Variants in LIX1L observed in about 807,000 individuals in gnomAD.
LIX1L encodes LIX1-like protein.
In LIX1L, 20 loss-of-function variants were observed where a neutral mutation model predicts 34.0. The ratio of observed to expected loss-of-function variants is 0.59; its 90% CI spans 0.41 to 0.85. The LOEUF is 0.85. LIX1L is among the 40% of genes least tolerant of loss of function. The probability of loss-of-function intolerance (pLI) is 0.00; values close to 1 mark genes in which losing one functional copy is unlikely to be tolerated. For synonymous variants in LIX1L, 170 were observed against 187.4 expected (o/e 0.91, Z 0.76); for missense variants, 397 against 447.0 (o/e 0.89, Z 1.01).
At chr1:145,943,252 G>T (rs781974238) in intron 2 of LIX1L, among the ~76,000 whole-genome samples, 1 of 152,152 alleles carries the variant, frequency 6.6e-6, no homozygotes, top group African/African-American at 2.4e-5. Context: ...AGGTTTTTTG[G>T]ATTCCTCTAG....
At position 145,949,957 on chromosome 1, in the gene LIX1L, A is replaced by G. The variant is rs112516540; in HGVS notation, c.293-2175T>C. 4.5e-3 allele frequency among the ~76,000 whole-genome samples: 690 copies of G among 151,808 alleles called. 4 individuals are homozygous for G. Among genetic ancestry groups the G allele is most frequent in the Middle Eastern group, 0.027 (8 of 294 alleles). ...TTAGCCTCTGAGTAGCTGGGACCAC[A>G]GGTGCATGCCACCACGCCCGTCTAA... On this transcript the variant is annotated intron_variant, in intron 1 of 5. Coordinates refer to ENST00000604000, the MANE Select transcript of LIX1L (RefSeq NM_153713.3).
intron 1 of LIX1L, among the ~76,000 whole-genome samples, chr1:145,954,495 C>A (rs1649403758): frequency 6.6e-6 from 1 of 152,174 alleles, no homozygotes; most frequent in South Asian, 2.1e-4. Flanking sequence ...ACACAAGATT[C>A]ATTTGTTCAA....
intron 5 of LIX1L, 54 bp downstream of exon 5, chr1:145,936,854 G>C: frequency 8.3e-7 from 1 of 1,199,818 alleles, no homozygotes; most frequent in South Asian, 1.2e-5. Flanking sequence ...CCTCAAAAGA[G>C]TCCACTGACA....
At chr1:145,947,578 C>G (rs1553759372) in intron 2 of LIX1L, 41 bp downstream of exon 2, 1 of 1,605,334 alleles carries the variant, frequency 6.2e-7, no homozygotes, top group Non-Finnish European at 8.5e-7. Context: ...TTACTAACAT[C>G]TAAGCATTTA....
intron 3 of LIX1L, among the ~76,000 whole-genome samples, chr1:145,941,682 A>G (rs1341669514): frequency 2.0e-5 from 3 of 152,162 alleles, no homozygotes; most frequent in Non-Finnish European, 4.4e-5. Flanking sequence ...CTTGGGTTCT[A>G]ATCTTGGCGT....
In LIX1L at chr1:145,957,761, A is replaced by G. The variant is rs1553760602; in HGVS notation, c.167T>C (p.Leu56Pro). ...PPPPAPPPPP[L>P]LLSGAPGLPL... is the part of the protein sequence containing the mutation. ...TAGTCCTGGGGCCCCAGACAGGAGC[A>G]GCGGCGGCGGGGGCGGTGCGGGAGG... The change falls in exon 1 of 6, where the codon CTG becomes CCG. Residue 56 changes from leucine to proline, a missense_variant. Leu to Pro is a moderately conservative substitution (Grantham distance 98). Coordinates refer to ENST00000604000, the MANE Select transcript of LIX1L (RefSeq NM_153713.3). The G allele has an allele frequency of 3.7e-6, 5 of 1,360,830 alleles. No homozygotes were observed. The highest frequency in any genetic ancestry group is 2.8e-6 in the Non-Finnish European group (3 of 1,064,946). The allele number at this position is 1,360,830 out of a possible 1,614,324, so 84.3% of individuals were successfully genotyped here.
At chr1:145,947,497 C>A in intron 2 of LIX1L, 122 bp downstream of exon 2, 1 of 1,028,904 alleles carries the variant, frequency 9.7e-7, no homozygotes, top group Middle Eastern at 3.2e-4. Flanking sequence ...GAATAATTTC[C>A]CCAGAATTGC....
intron 2 of LIX1L, 140 bp from the exon 3 acceptor site, chr1:145,942,993 G>T: frequency 1.2e-6 from 1 of 801,240 alleles, no homozygotes; most frequent in Admixed American, 2.6e-5. Flanking sequence ...CACTTTCCAA[G>T]GTTTTTATGG....
rs782649895 is a variant in LIX1L, at chr1:145,936,921, TG to T, written c.757del (p.Gln253AsnfsTer29). ...NGSLKAMRER[Q>X]CSRQEVLAHY... ...AAAATCTCTTACCTGCCGAGAGCAT[TG>T]TCGTTCCCTCATGGCCTTAAGGCTG... On this transcript the variant is annotated frameshift_variant, in exon 5 of 6. Transcript: ENST00000604000. LOFTEE classifies it high-confidence loss of function. 4 of 1,612,100 alleles carry T rather than the reference TG, an allele frequency of 2.5e-6. No homozygotes were observed. The highest frequency in any genetic ancestry group is 3.4e-6 in the Non-Finnish European group (4 of 1,178,240).
Position 145,947,668 on chromosome 1 carries a change from TAAG to T in LIX1L, c.404_406del (p.Pro135_Tyr136delinsHis). The T allele has an allele frequency of 6.2e-7, 1 of 1,614,090 alleles. No homozygotes were observed. Among genetic ancestry groups the T allele is most frequent in the Non-Finnish European group, 8.5e-7 (1 of 1,180,020 alleles). ...CCCAGGCAGGGTGACATAGCAGACA[TAAG>T]GAGGGCTGTTGGAGGGAACCATCTC... On this transcript the variant is annotated inframe_deletion, in exon 2 of 6. Coordinates refer to ENST00000604000, the MANE Select transcript of LIX1L (RefSeq NM_153713.3).
intron 4 of LIX1L, 108 bp from the exon 5 acceptor site, chr1:145,937,093 C>T: frequency 1.5e-6 from 1 of 660,856 alleles, no homozygotes; most frequent in Non-Finnish European, 2.8e-6. Context: ...AAGCATCTCT[C>T]ATCACTAACT....
At chr1:145,947,130 T>A (rs1341589536) in intron 2 of LIX1L, 1 of 153,832 alleles carries the variant, frequency 6.5e-6, no homozygotes, top group Non-Finnish European at 1.4e-5. Context: ...TTTGCCCCAT[T>A]GATATTCAGA....
intron 5 of LIX1L, 140 bp from the exon 6 acceptor site, chr1:145,936,692 G>T: frequency 9.9e-7 from 1 of 1,007,870 alleles, no homozygotes. Flanking sequence ...GATTCTTAAA[G>T]GCACTTCCTG....
chr1:145,934,943 G>T lies in LIX1L; in HGVS notation c.*1367C>A, dbSNP rs1553757540. On this transcript the variant is annotated 3_prime_UTR_variant, in exon 6 of 6. Coordinates refer to ENST00000604000, the MANE Select transcript of LIX1L (RefSeq NM_153713.3). Reference sequence around the variant, plus strand: ...GCACTTTGGGAGGCTGAGGCGGGTGGATTACCTTATGTCAGGAGTTCAAGA... The same window carrying T: ...GCACTTTGGGAGGCTGAGGCGGGTGTATTACCTTATGTCAGGAGTTCAAGA... 1 of 152,012 alleles carries T rather than the reference G, an allele frequency of 6.6e-6. No individual in the cohort carries two copies. Among genetic ancestry groups the T allele is most frequent in the Admixed American group, 6.6e-5 (1 of 15,230 alleles). The allele number at this position is 152,012 out of a possible 1,614,324, so 9.4% of individuals were successfully genotyped here.
At chr1:145,944,372 A>G (rs587634780) in intron 2 of LIX1L, among the ~76,000 whole-genome samples, 1 of 152,238 alleles carries the variant, frequency 6.6e-6, no homozygotes, top group Non-Finnish European at 1.5e-5. Context: ...AAAACAATAA[A>G]TAAGTAGACC....
At chr1:145,937,007 T>C in intron 4 of LIX1L, 22 bp from the exon 5 acceptor site, 1 of 1,539,872 alleles carries the variant, frequency 6.5e-7, no homozygotes, top group Non-Finnish European at 9.0e-7. Flanking sequence ...GGATAGGAAG[T>C]ACCAGGACAG....
intron 2 of LIX1L, among the ~76,000 whole-genome samples, chr1:145,943,219 G>A (rs1452747893): frequency 2.0e-5 from 3 of 152,184 alleles, no homozygotes; most frequent in Non-Finnish European, 2.9e-5. Context: ...ATAGAAATCT[G>A]TATCTTGTTC....
In LIX1L at chr1:145,936,997, G is replaced by A. The variant is rs373582484; in HGVS notation, c.694-12C>T. 5.7e-6 allele frequency: 9 copies of A among 1,587,796 alleles called. No individual in the cohort carries two copies. In the African/African-American group the frequency reaches 1.1e-4, roughly 19 times the overall value. ...ACTGTCATTAGCTCCTGGGGGAAGA[G>A]GATAGGAAGTACCAGGACAGTGATT... On this transcript the variant is annotated splice_polypyrimidine_tract_variant and intron_variant, in intron 4 of 5. Coordinates refer to ENST00000604000, the MANE Select transcript of LIX1L (RefSeq NM_153713.3).
intron 3 of LIX1L, among the ~76,000 whole-genome samples, chr1:145,941,414 A>G (rs894356640): frequency 3.3e-5 from 5 of 151,358 alleles, no homozygotes; most frequent in Admixed American, 1.3e-4. Flanking sequence ...CACTGCGCCC[A>G]GCTAACTTTT....
Sources: gnomAD v4.1 joint callset for allele counts (sites outside exome capture counted in the v4.1 genomes callset) on GRCh38, gnomAD v4.1.1 for gene constraint, MANE v1.5 for transcripts, NCBI Gene and HGNC (gene_info 2026-07-23, HGNC 2026-07-21) for gene names.